ASXL3: variants seen among roughly 807,000 people sequenced by gnomAD.
ASXL3 encodes ASXL transcriptional regulator 3, also known as putative Polycomb group protein ASXL3.
In ASXL3, 34 loss-of-function variants were observed where a neutral mutation model predicts 170.6. The ratio of observed to expected loss-of-function variants is 0.20; its 90% CI spans 0.15 to 0.27. ASXL3 has a LOEUF of 0.27. Ranked by LOEUF, ASXL3 falls within the 10% of genes least tolerant of loss-of-function variation. The probability of loss-of-function intolerance (pLI) is 1.00; values close to 1 mark genes in which losing one functional copy is unlikely to be tolerated. For synonymous variants in ASXL3, 1,002 were observed against 989.1 expected, an observed-to-expected ratio of 1.01 and a Z score of -0.24; for missense variants, 2,592 against 2,695.3, an observed-to-expected ratio of 0.96 and a Z score of 0.85.
At chr18:33,595,576 G>A (rs553076179) in intron 1 of ASXL3, among the ~76,000 whole-genome samples, 3 of 152,256 alleles carry the variant, frequency 2.0e-5, no homozygotes, top group African/African-American at 7.2e-5. Context: ...AGCCATTGCA[G>A]CAAAATGGGA....
intron 7 of ASXL3, 37 bp downstream of exon 7, chr18:33,671,903 G>T: frequency 1.4e-6 from 2 of 1,463,136 alleles, no homozygotes; most frequent in Non-Finnish European, 9.1e-7. Flanking sequence ...TCACATTTTA[G>T]AAATTTGTGT....
At chr18:33,725,414 C>T (rs1381964761) in intron 8 of ASXL3, among the ~76,000 whole-genome samples, 3 of 152,208 alleles carry the variant, frequency 2.0e-5, no homozygotes, top group African/African-American at 4.8e-5. Flanking sequence ...CCACTTGCTC[C>T]GATTTTCTTC....
chr18:33,718,628 T>G (rs1034381222), intron 8 of ASXL3, among the ~76,000 whole-genome samples: 2 of 152,130 alleles, frequency 1.3e-5, no homozygotes, highest in Non-Finnish European at 2.9e-5. Flanking sequence ...GAATTCATTT[T>G]CTTACAGTGG....
intron 5 of ASXL3, among the ~76,000 whole-genome samples, chr18:33,666,825 C>T (rs965593631): frequency 2.6e-5 from 4 of 152,032 alleles, no homozygotes; most frequent in Non-Finnish European, 5.9e-5. Context: ...GTGTTCCAAA[C>T]CTTGTATTTT....
chr18:33,617,610 T>G (rs2065447027), intron 2 of ASXL3, among the ~76,000 whole-genome samples: 1 of 152,170 alleles, frequency 6.6e-6, no homozygotes, highest in Non-Finnish European at 1.5e-5. Flanking sequence ...CCTCAAGGCA[T>G]CAATAACCAC....
chr18:33,613,459 T>C (rs1449220496), intron 2 of ASXL3, among the ~76,000 whole-genome samples: 1 of 152,094 alleles, frequency 6.6e-6, no homozygotes, highest in Non-Finnish European at 1.5e-5. Flanking sequence ...GTTGAAGATA[T>C]TGCAGATTTG....
At chr18:33,622,279 T>G (rs915972847) in intron 2 of ASXL3, among the ~76,000 whole-genome samples, 3 of 152,174 alleles carry the variant, frequency 2.0e-5, no homozygotes, top group African/African-American at 7.2e-5. Flanking sequence ...ACATACAAAA[T>G]GGTGATATTG....
chr18:33,708,170 A>G (rs567398246), intron 8 of ASXL3, among the ~76,000 whole-genome samples: 1 of 152,258 alleles, frequency 6.6e-6, no homozygotes, highest in Admixed American at 6.5e-5. Flanking sequence ...TCTGATGCCA[A>G]AGTTTGTGTA....
At chr18:33,697,153 A>G (rs1460015500) in intron 8 of ASXL3, among the ~76,000 whole-genome samples, 1 of 152,172 alleles carries the variant, frequency 6.6e-6, no homozygotes, top group Non-Finnish European at 1.5e-5. Flanking sequence ...GTGACAATTC[A>G]GAGAACAAGA....
intron 8 of ASXL3, among the ~76,000 whole-genome samples, chr18:33,716,010 G>A (rs773015170): frequency 1.3e-5 from 2 of 152,286 alleles, no homozygotes; most frequent in Non-Finnish European, 2.9e-5. Context: ...ATGTCAAGCA[G>A]CATTTGAATA....
rs1048998776 is a variant in ASXL3 at position 33,701,753 on chromosome 18, A to G, written c.879+18185A>G. Among the ~76,000 whole-genome samples, 4 of 152,030 alleles carry G rather than the reference A, an allele frequency of 2.6e-5. No individual in the cohort carries two copies. The East Asian group carries it at 5.8e-4, about 22-fold the overall frequency. ...ACTTAACGTTTGTTGAACTTCTTCA[A>G]TTTGTAGGCTGTTTTTCATCAAATA... On this transcript the variant is annotated intron_variant, in intron 8 of 11. Coordinates refer to ENST00000269197, the MANE Select transcript of ASXL3 (RefSeq NM_030632.3).
chr18:33,650,851 C>T (rs1030730250), intron 4 of ASXL3, among the ~76,000 whole-genome samples: 1 of 152,104 alleles, frequency 6.6e-6, no homozygotes, highest in Non-Finnish European at 1.5e-5. Flanking sequence ...TATTGCAAAC[C>T]ACAATTGCAT....
In ASXL3 at chr18:33,659,380, C is replaced by T. The variant is rs145829951; in HGVS notation, c.356-2236C>T. On this transcript the variant is annotated intron_variant, in intron 4 of 11. Transcript: ENST00000269197. ...GGACTGCATTTAGTTCTCCTTTAAA[C>T]GAACTAACCTGTAAGTTTCCAATTT... Among the ~76,000 whole-genome samples the T allele has an allele frequency of 5.6e-3, 853 of 152,156 alleles. 7 individuals carry two copies. The highest frequency in any genetic ancestry group is 0.018 in the African/African-American group (742 of 41,536).
intron 1 of ASXL3, among the ~76,000 whole-genome samples, chr18:33,591,275 TG>T (rs2145098018): frequency 1.3e-5 from 2 of 152,328 alleles, no homozygotes; most frequent in African/African-American, 4.8e-5. Flanking sequence ...TACTTAGCTT[TG>T]TGGAAATTTA....
At chr18:33,703,445 C>T (rs1026977188) in intron 8 of ASXL3, among the ~76,000 whole-genome samples, 5 of 152,160 alleles carry the variant, frequency 3.3e-5, no homozygotes, top group African/African-American at 1.2e-4. Context: ...CCCTAGTATT[C>T]TTGGCCTGTC....
intron 1 of ASXL3, among the ~76,000 whole-genome samples, chr18:33,591,418 G>A (rs369571258): frequency 3.9e-5 from 6 of 152,150 alleles, no homozygotes; most frequent in South Asian, 2.1e-4. Context: ...TTTAGTGAGC[G>A]AATGAGAAAA....
At chr18:33,718,707 T>G (rs1380042935) in intron 8 of ASXL3, among the ~76,000 whole-genome samples, 2 of 151,980 alleles carry the variant, frequency 1.3e-5, no homozygotes, top group Non-Finnish European at 2.9e-5. Flanking sequence ...CTTTTTCTTT[T>G]TTTTTTTCCT....
intron 7 of ASXL3, among the ~76,000 whole-genome samples, chr18:33,683,059 T>C (rs10775454): frequency 0.43 from 65,308 of 151,952 alleles, 14,903 homozygotes; most frequent in East Asian, 0.8. Flanking sequence ...ACATAAATTG[T>C]AGTTGTTACT....
At chr18:33,718,437 C>T (rs2067202526) in intron 8 of ASXL3, among the ~76,000 whole-genome samples, 1 of 152,104 alleles carries the variant, frequency 6.6e-6, no homozygotes, top group Admixed American at 6.6e-5. Flanking sequence ...CTTAAAGTAG[C>T]ATGCAGTTAT....
Sources: allele counts gnomAD v4.1 joint callset (sites outside exome capture counted in the v4.1 genomes callset), GRCh38; gene constraint gnomAD v4.1.1; transcripts MANE v1.5; gene names NCBI Gene and HGNC (gene_info 2026-07-23, HGNC 2026-07-21).